The following TCEAL2 variants were observed in gnomAD, a reference collection of about 807,000 sequenced individuals.
TCEAL2 encodes transcription elongation factor A like 2, also known as transcription elongation factor A protein-like 2.
For synonymous variants in TCEAL2, 65 were observed against 57.9 expected (o/e 1.12, Z -0.55); for missense variants, 169 against 166.6 (o/e 1.01, Z -0.08).
At position 102,126,836 on chromosome X, in the gene TCEAL2, A is replaced by G. The variant is rs1194218836; in HGVS notation, c.6A>G (p.Glu2=). 3.3e-6 allele frequency: 4 copies of G among 1,204,745 alleles called. No homozygotes were observed. The highest frequency in any genetic ancestry group is 4.5e-6 in the Non-Finnish European group (4 of 893,022). Reference sequence around the variant, plus strand: ...AAAGGAGGGGAAATCTCGACATGGAAAAACTCTTCAATGAAAATGAAGGAA... The same window carrying G: ...AAAGGAGGGGAAATCTCGACATGGAGAAACTCTTCAATGAAAATGAAGGAA... M[E]KLFNENEGMP... The change falls in exon 3 of 3, where the codon GAA becomes GAG. Residue 2 remains glutamate (E), a synonymous_variant. Coordinates refer to ENST00000372780, the MANE Select transcript of TCEAL2 (RefSeq NM_080390.4).
In TCEAL2 at chrX:102,126,931, G is replaced by A; in HGVS notation, c.101G>A (p.Cys34Tyr). 2 of 1,211,770 alleles carry A rather than the reference G, an allele frequency of 1.7e-6. No individual in the cohort carries two copies. The highest frequency in any genetic ancestry group is 5.9e-5 in the East Asian group (2 of 33,843). The change falls in exon 3 of 3, where the codon TGT becomes TAT. Residue 34 changes from cysteine to tyrosine, a missense_variant. Transcript: ENST00000372780. The stretch of plus-strand genomic sequence containing the variant: ...CACGAGGGAAAGCCAGAAGTAGCTT[G>A]TATTCTGGAAGACAAGAAGTTAGAA... ...PPHEGKPEVA[C>Y]ILEDKKLENE...
In TCEAL2 at chrX:102,127,577, C is replaced by A. The variant is rs1271032514; in HGVS notation, c.*63C>A. 2.7e-6 allele frequency: 3 copies of A among 1,096,115 alleles called. No homozygotes were observed. Among genetic ancestry groups the A allele is most frequent in the South Asian group, 2.6e-5 (1 of 39,143 alleles). 90.3% of individuals were successfully genotyped at this position (1,096,115 alleles called of 1,213,427 possible). A position where few individuals can be genotyped will look rare whatever the true frequency, so the allele number is the denominator to read the frequency against. On this transcript the variant is annotated 3_prime_UTR_variant, in exon 3 of 3. Coordinates refer to ENST00000372780, the MANE Select transcript of TCEAL2 (RefSeq NM_080390.4). ...CCTTATGGTAATACTTTGCTTTAGT[C>A]GTTCCTCCTGCTACCAGTAGCGTTT...
rs761620092 is a variant in TCEAL2 at position 102,127,327 on chromosome X, A to G, written c.497A>G (p.Asp166Gly). The change falls in exon 3 of 3, where the codon GAC becomes GGC. Residue 166 changes from aspartate to glycine, a missense_variant. Coordinates refer to ENST00000372780, the MANE Select transcript of TCEAL2 (RefSeq NM_080390.4). ...CATGATATGAATTTCAGCAATGAGG[A>G]CATGATAAGAGAATTTGACAACATG... ...AIHDMNFSNE[D>G]MIREFDNMAR... The G allele has an allele frequency of 8.3e-7, 1 of 1,211,510 alleles. No individual in the cohort carries two copies. Among genetic ancestry groups the G allele is most frequent in the East Asian group, 3.0e-5 (1 of 33,846 alleles).
chrX:102,126,900 C>T lies in TCEAL2; in HGVS notation c.70C>T (p.Pro24Ser), dbSNP rs1468120805. The T allele has an allele frequency of 3.3e-6, 4 of 1,210,042 alleles. No individual in the cohort carries two copies. The South Asian group carries it at 5.3e-5, about 16-fold the overall frequency. Residue 24 changes from proline (P) to serine (S), a missense_variant, in exon 3 of 3, where the codon CCA becomes TCA. By Grantham distance (74) the Pro-to-Ser change is moderately conservative (BLOSUM62 -1). Coordinates refer to ENST00000372780, the MANE Select transcript of TCEAL2 (RefSeq NM_080390.4). ...AGGAAAGATAGACAATGAAGAACAG[C>T]CACCGCACGAGGGAAAGCCAGAAGT... The part of the protein sequence containing the change: ...NQGKIDNEEQ[P>S]PHEGKPEVAC...
chrX:102,127,132 A>G lies in TCEAL2; in HGVS notation c.302A>G (p.Glu101Gly), dbSNP rs1004756457. Residue 101 changes from glutamate (E) to glycine (G), a missense_variant, in exon 3 of 3, where the codon GAG becomes GGG. Physicochemically the swap from Glu to Gly is moderately conservative, Grantham distance 98 (BLOSUM62 -2). Coordinates refer to ENST00000372780, the MANE Select transcript of TCEAL2 (RefSeq NM_080390.4). ...EGKPERGGRA[E>G]GEGEPDSERE... ...AAGCCAGAGAGAGGGGGAAGGGCAG[A>G]GGGTGAAGGAGAGCCAGACAGTGAA... 1 of 1,202,062 alleles carries G rather than the reference A, an allele frequency of 8.3e-7. No homozygotes were observed. The highest frequency in any genetic ancestry group is 1.8e-5 in the African/African-American group (1 of 56,643).
rs1289839553 is a variant in TCEAL2, at chrX:102,126,412, A to C, written c.-61A>C. 10 of 1,102,430 alleles carry C rather than the reference A, an allele frequency of 9.1e-6. No homozygotes were observed. In the South Asian group the frequency reaches 1.4e-4, roughly 15 times the overall value. 90.9% of individuals were successfully genotyped at this position (1,102,430 alleles called of 1,213,427 possible). On this transcript the variant is annotated 5_prime_UTR_variant, in exon 2 of 3. Transcript: ENST00000372780. ...TGTTCCCAGCGCTCTGAGAGGCCTG[A>C]AAAGGAAGAGCAACCTGTCCAGAAT...
Position 102,127,175 on chromosome X carries a change from G to A in TCEAL2, c.345G>A (p.Glu115=), listed in dbSNP as rs372189969. The A allele has an allele frequency of 3.9e-4, 475 of 1,208,625 alleles. No homozygotes were observed. Among genetic ancestry groups the A allele is most frequent in the Non-Finnish European group, 4.6e-4 (412 of 894,823 alleles). The change falls in exon 3 of 3, where the codon GAG becomes GAA. Residue 115 remains glutamate, a synonymous_variant. Coordinates refer to ENST00000372780, the MANE Select transcript of TCEAL2 (RefSeq NM_080390.4). The stretch of plus-strand genomic sequence containing the variant: ...ACAGTGAAAGAGAGCCAGAGAGTGA[G>A]GGAGAGCCAGAAAGTGAAACAAGGG... ...EPDSEREPES[E]GEPESETRAA...
chrX:102,126,612 A>G (rs1310857088), intron 2 of TCEAL2, among the ~76,000 whole-genome samples, 167 bp downstream of exon 2: 4 of 112,964 alleles, frequency 3.5e-5, no homozygotes, highest in African/African-American at 6.4e-5. Context: ...GCCAGGGAAC[A>G]GCTGGCTCAC....
rs5944856 is a variant in TCEAL2 at position 102,127,033 on chromosome X, G to C, written c.203G>C (p.Gly68Ala). 0.16 allele frequency: 192,112 copies of C among 1,202,684 alleles called. 11,181 individuals carry two copies. The highest frequency in any genetic ancestry group is 0.21 in the Middle Eastern group (930 of 4,343). ...LKDKEKPESA[G>A]KAKGEGKSER... ...GATAAAGAAAAGCCAGAGAGTGCGG[G>C]AAAGGCAAAAGGAGAAGGAAAGTCA... is the stretch of plus-strand genomic sequence containing the variant. Residue 68 changes from glycine (G) to alanine (A), a missense_variant, in exon 3 of 3, where the codon GGA (glycine) becomes GCA (alanine). Coordinates refer to ENST00000372780, the MANE Select transcript of TCEAL2 (RefSeq NM_080390.4).
At chrX:102,126,594 C>G (rs1035124186) in intron 2 of TCEAL2, 149 bp downstream of exon 2, 1 of 525,109 alleles carries the variant, frequency 1.9e-6, no homozygotes. Context: ...GAGAAGGTGG[C>G]AGGGCCTGCC....
In TCEAL2 at chrX:102,126,349, C is replaced by T. The variant is rs1932893080; in HGVS notation, c.-100-24C>T. ...GAGCCCGCTAAGCGCGCAGCCCCTG[C>T]CCCTGTCTCCTGTCTGTCCGCAGGT... On this transcript the variant is annotated intron_variant, in intron 1 of 2. Coordinates refer to ENST00000372780, the MANE Select transcript of TCEAL2 (RefSeq NM_080390.4). 2.9e-6 allele frequency: 3 copies of T among 1,025,089 alleles called. No homozygotes were observed. In the East Asian group the frequency reaches 1.0e-4, roughly 34 times the overall value. 84.5% of individuals were successfully genotyped at this position (1,025,089 alleles called of 1,213,427 possible).
In TCEAL2 at chrX:102,126,407, GC is replaced by G. The variant is rs1295703874; in HGVS notation, c.-64del. The G allele has an allele frequency of 9.0e-7, 1 of 1,105,185 alleles. No individual in the cohort carries two copies. Among genetic ancestry groups the G allele is most frequent in the Non-Finnish European group, 1.2e-6 (1 of 819,861 alleles). The allele number at this position is 1,105,185 out of a possible 1,213,427, so 91.1% of individuals were successfully genotyped here. On this transcript the variant is annotated 5_prime_UTR_variant, in exon 2 of 3. Coordinates refer to ENST00000372780, the MANE Select transcript of TCEAL2 (RefSeq NM_080390.4). ...TCTGTTGTTCCCAGCGCTCTGAGAG[GC>G]CTGAAAAGGAAGAGCAACCTGTCCA... is the stretch of plus-strand genomic sequence containing the variant.
At position 102,126,565 on chromosome X, in the gene TCEAL2, A is replaced by C; in HGVS notation, c.-28+120A>C. 5.5e-6 allele frequency: 3 copies of C among 542,615 alleles called. No individual in the cohort carries two copies. The South Asian group carries it at 9.5e-5, about 17-fold the overall frequency. The allele number at this position is 542,615 out of a possible 1,213,427, so 44.7% of individuals were successfully genotyped here. On this transcript the variant is annotated intron_variant, in intron 2 of 2. Coordinates refer to ENST00000372780, the MANE Select transcript of TCEAL2 (RefSeq NM_080390.4). ...CCTTACCTACATGAACACACACCTT[A>C]CCAGGCTGAACCAGTGCAGAGAAGG...
chrX:102,126,581 G>T (rs1932895475), intron 2 of TCEAL2, 136 bp downstream of exon 2: 6 of 541,441 alleles, frequency 1.1e-5, no homozygotes, highest in African/African-American at 7.0e-5. Flanking sequence ...CTGAACCAGT[G>T]CAGAGAAGGT....
chrX:102,127,198 G>T lies in TCEAL2; in HGVS notation c.368G>T (p.Arg123Met). 4.1e-6 allele frequency: 5 copies of T among 1,211,248 alleles called. No individual in the cohort carries two copies. The highest frequency in any genetic ancestry group is 5.6e-6 in the Non-Finnish European group (5 of 895,430). ...GAGGGAGAGCCAGAAAGTGAAACAA[G>T]GGCTGCAGGAAAGCGCCCAGCTGAG... ...ESEGEPESET[R>M]AAGKRPAEDD... is the part of the protein sequence containing the mutation. The change falls in exon 3 of 3, where the codon AGG (arginine) becomes ATG (methionine). Residue 123 changes from arginine to methionine, a missense_variant. By Grantham distance (91) the Arg-to-Met change is moderately conservative (BLOSUM62 -1). Coordinates refer to ENST00000372780, the MANE Select transcript of TCEAL2 (RefSeq NM_080390.4).
At position 102,127,123 on chromosome X, in the gene TCEAL2, G is replaced by A; in HGVS notation, c.293G>A (p.Gly98Glu). Residue 98 changes from glycine (G) to glutamate (E), a missense_variant, in exon 3 of 3, where the codon GGA becomes GAA. Coordinates refer to ENST00000372780, the MANE Select transcript of TCEAL2 (RefSeq NM_080390.4). ...SKTEGKPERG[G>E]RAEGEGEPDS... ...ACAGAGGGAAAGCCAGAGAGAGGGG[G>A]AAGGGCAGAGGGTGAAGGAGAGCCA... 8.3e-7 allele frequency: 1 copy of A among 1,201,482 alleles called. No homozygotes were observed. Among genetic ancestry groups the A allele is most frequent in the Non-Finnish European group, 1.1e-6 (1 of 888,094 alleles).
chrX:102,126,507 C>A, intron 2 of TCEAL2, 62 bp downstream of exon 2: 1 of 806,675 alleles, frequency 1.2e-6, no homozygotes, highest in Non-Finnish European at 1.8e-6. Flanking sequence ...GTGGAGGGCA[C>A]AGTCAGGGCC....
Position 102,127,225 on chromosome X carries a change from A to G in TCEAL2, c.395A>G (p.Asp132Gly), listed in dbSNP as rs369903697. The G allele has an allele frequency of 8.3e-7, 1 of 1,211,391 alleles. No homozygotes were observed. The highest frequency in any genetic ancestry group is 1.1e-6 in the Non-Finnish European group (1 of 895,468). Reference sequence around the variant, plus strand: ...GCTGCAGGAAAGCGCCCAGCTGAGGATGATATACCCAGGAAAGCCAAAAGA... The same window carrying G: ...GCTGCAGGAAAGCGCCCAGCTGAGGGTGATATACCCAGGAAAGCCAAAAGA... ...TRAAGKRPAE[D>G]DIPRKAKRKT... is the part of the protein sequence containing the mutation. The change falls in exon 3 of 3, where the codon GAT (aspartate) becomes GGT (glycine). Residue 132 changes from aspartate (D) to glycine (G), a missense_variant. Coordinates refer to ENST00000372780, the MANE Select transcript of TCEAL2 (RefSeq NM_080390.4).
At chrX:102,126,720 G>C (rs187928629) in intron 2 of TCEAL2, 84 bp from the exon 3 acceptor site, 420 of 918,030 alleles carry the variant, frequency 4.6e-4, no homozygotes, top group Non-Finnish European at 5.9e-4. Flanking sequence ...GATGCAAGTA[G>C]TATCCAGACC....
Sources: allele counts gnomAD v4.1 joint callset (sites outside exome capture counted in the v4.1 genomes callset), GRCh38; gene constraint gnomAD v4.1.1; transcripts MANE v1.5; gene names NCBI Gene and HGNC (gene_info 2026-07-23, HGNC 2026-07-21).